PALS2: variants seen among roughly 807,000 people sequenced by gnomAD.
PALS2 encodes protein PALS2.
Under a neutral mutation model 61.6 loss-of-function variants are expected in PALS2, and 27 were observed. The ratio of observed to expected loss-of-function variants is 0.44; its 90% CI spans 0.32 to 0.60. The LOEUF (loss-of-function observed/expected upper bound fraction) is 0.60, where lower values mean the gene tolerates loss of function less well. PALS2 is among the 20% of genes least tolerant of loss of function. The probability of loss-of-function intolerance (pLI) is 0.05; values close to 1 mark genes in which losing one functional copy is unlikely to be tolerated. For synonymous variants in PALS2, 236 were observed against 218.6 expected, an observed-to-expected ratio of 1.08 and a Z score of -0.70; for missense variants, 554 against 639.4, an observed-to-expected ratio of 0.87 and a Z score of 1.44.
chr7:24,588,283 CTT>C (rs1185217198), intron 1 of PALS2, among the ~76,000 whole-genome samples: 1 of 152,150 alleles, frequency 6.6e-6, no homozygotes, highest in African/African-American at 2.4e-5. Context: ...GATTCTTACT[CTT>C]TGTTTCATTG....
In PALS2 at chr7:24,650,561, G is replaced by C. The variant is rs1786087679; in HGVS notation, c.500G>C (p.Gly167Ala). The C allele has an allele frequency of 2.5e-6, 4 of 1,613,560 alleles. No individual in the cohort carries two copies. In the South Asian group the frequency reaches 3.3e-5, roughly 13 times the overall value. ...ILHGGMIDRQ[G>A]LLHVGDIIKE... ...CATGGGGGAATGATAGATCGACAAG[G>C]TCTACTTCATGTGGGAGATATAATT... The change falls in exon 5 of 12, where the codon GGT (glycine) becomes GCT (alanine). Residue 167 changes from glycine to alanine, a missense_variant. By Grantham distance (60) the Gly-to-Ala change is moderately conservative (BLOSUM62 0). Coordinates refer to ENST00000222644, the MANE Select transcript of PALS2 (RefSeq NM_001303037.2).
chr7:24,656,886 A>G (rs1337130386), intron 5 of PALS2, among the ~76,000 whole-genome samples: 1 of 151,578 alleles, frequency 6.6e-6, no homozygotes, highest in Non-Finnish European at 1.5e-5. Flanking sequence ...CTTTCTCTCT[A>G]CCACCCCTGA....
At chr7:24,639,931 C>T (rs532933491) in intron 2 of PALS2, among the ~76,000 whole-genome samples, 4 of 151,064 alleles carry the variant, frequency 2.6e-5, no homozygotes, top group African/African-American at 9.7e-5. Flanking sequence ...ATTCTCCTGC[C>T]TCAGCCTTCT....
Position 24,588,300 on chromosome 7 carries a change from CTT to C in PALS2, c.-3+14708_-3+14709del, listed in dbSNP as rs759003603. Among the ~76,000 whole-genome samples, 206 of 152,222 alleles carry C rather than the reference CTT, an allele frequency of 1.4e-3. 1 individual carries two copies. The highest frequency in any genetic ancestry group is 2.3e-3 in the Non-Finnish European group (159 of 68,010). On this transcript the variant is annotated intron_variant, in intron 1 of 11. Transcript: ENST00000222644. ...TTCTTACTCTTTGTTTCATTGTGTT[CTT>C]ATCTTAAGGGTATATCTTAGACATT...
chr7:24,613,336 C>T (rs2721783), intron 1 of PALS2, among the ~76,000 whole-genome samples: 76,422 of 151,332 alleles, frequency 0.5, 23,019 homozygotes, highest in African/African-American at 0.83. Context: ...TAGAAAATCA[C>T]CTACTTGACT....
chr7:24,677,949 C>G (rs115191947), intron 9 of PALS2, among the ~76,000 whole-genome samples: 2,056 of 152,204 alleles, frequency 0.014, 48 homozygotes, highest in African/African-American at 0.046. Context: ...TTTTCTATGT[C>G]TTAGGCTTAT....
chr7:24,667,311 A>G (rs1397003290), intron 8 of PALS2, among the ~76,000 whole-genome samples: 4 of 152,202 alleles, frequency 2.6e-5, no homozygotes, highest in African/African-American at 9.6e-5. Flanking sequence ...AGTTGGATCT[A>G]AAATTTATTT....
At chr7:24,636,720 A>G (rs530179695) in intron 2 of PALS2, among the ~76,000 whole-genome samples, 2 of 152,124 alleles carry the variant, frequency 1.3e-5, no homozygotes, top group Non-Finnish European at 2.9e-5. Flanking sequence ...TCTTTCTGTG[A>G]ATTTCTTTGC....
intron 1 of PALS2, among the ~76,000 whole-genome samples, chr7:24,609,808 G>T (rs1316740251): frequency 6.6e-6 from 1 of 152,038 alleles, no homozygotes. Context: ...AGGCCAAAAT[G>T]TGGGCTCTTC....
At chr7:24,682,856 G>T (rs923485984) in intron 11 of PALS2, among the ~76,000 whole-genome samples, 4 of 151,820 alleles carry the variant, frequency 2.6e-5, no homozygotes, top group Admixed American at 2.6e-4. Flanking sequence ...TACCCATTCT[G>T]TCCCCATTGT....
At chr7:24,595,672 AG>A (rs2128045324) in intron 1 of PALS2, among the ~76,000 whole-genome samples, 1 of 149,176 alleles carries the variant, frequency 6.7e-6, no homozygotes, top group South Asian at 2.1e-4. Flanking sequence ...ATTTTTAGTG[AG>A]GGGAAACATA....
chr7:24,613,944 TCCATTATGTATATATACCACATTTG>T (rs1390787193), intron 1 of PALS2, among the ~76,000 whole-genome samples: 5 of 151,978 alleles, frequency 3.3e-5, no homozygotes, highest in African/African-American at 4.8e-5. Context: ...TGAATAGTAT[TCCATTATGTATATATACCACATTTG>T]CTTTATTCAT....
At chr7:24,625,240 T>C (rs1239308163) in intron 2 of PALS2, among the ~76,000 whole-genome samples, 1 of 152,154 alleles carries the variant, frequency 6.6e-6, no homozygotes, top group Admixed American at 6.5e-5. Flanking sequence ...TTTTACTCTT[T>C]TCTTGATGTT....
intron 1 of PALS2, among the ~76,000 whole-genome samples, chr7:24,579,222 G>A (rs935942184): frequency 1.3e-4 from 20 of 152,176 alleles, no homozygotes; most frequent in Non-Finnish European, 2.5e-4. Flanking sequence ...TAAAAACTAT[G>A]AGATACTGTT....
At position 24,680,414 on chromosome 7, in the gene PALS2, C is replaced by G. The variant is rs1787857580; in HGVS notation, c.1340C>G (p.Ser447Ter). Residue 447 changes from serine to a stop codon, truncating the protein, a stop_gained, in exon 11 of 12, where the codon TCA becomes TGA. Transcript: ENST00000222644. LOFTEE classifies it high-confidence loss of function. ...CAGGCACTGAAAGTATTGAGGACATCAGAGTTTATGCCCTATGTGGTATTT... is the reference window on the plus strand; with the variant it reads ...CAGGCACTGAAAGTATTGAGGACATGAGAGTTTATGCCCTATGTGGTATTT... ...NPQALKVLRT[S>*]EFMPYVVFIA... 6.2e-7 allele frequency: 1 copy of G among 1,612,852 alleles called. No homozygotes were observed. The highest frequency in any genetic ancestry group is 8.5e-7 in the Non-Finnish European group (1 of 1,178,926).
At chr7:24,580,042 T>C (rs976126095) in intron 1 of PALS2, among the ~76,000 whole-genome samples, 2 of 152,096 alleles carry the variant, frequency 1.3e-5, no homozygotes, top group African/African-American at 4.8e-5. Context: ...GGGGGCCATA[T>C]GCTTAGGAAA....
chr7:24,604,314 A>G (rs941673773), intron 1 of PALS2, among the ~76,000 whole-genome samples: 9 of 152,134 alleles, frequency 5.9e-5, no homozygotes, highest in African/African-American at 2.2e-4. Context: ...AGCAAACTCA[A>G]AAAGAACCAA....
intron 2 of PALS2, among the ~76,000 whole-genome samples, chr7:24,628,248 A>G (rs1183615641): frequency 6.6e-6 from 1 of 152,240 alleles, no homozygotes; most frequent in African/African-American, 2.4e-5. Context: ...TCACATAAGC[A>G]GAACCAATGA....
At chr7:24,663,809 AG>A in intron 6 of PALS2, 88 bp downstream of exon 6, 2 of 1,422,108 alleles carry the variant, frequency 1.4e-6, no homozygotes, top group Non-Finnish European at 1.9e-6. Context: ...GAAGAATATT[AG>A]CATTTGTTAC....
Sources: gnomAD v4.1 joint callset for allele counts (sites outside exome capture counted in the v4.1 genomes callset) on GRCh38, gnomAD v4.1.1 for gene constraint, MANE v1.5 for transcripts, NCBI Gene and HGNC (gene_info 2026-07-23, HGNC 2026-07-21) for gene names.